Variants in ERBIN observed in about 807,000 individuals in gnomAD.
ERBIN encodes erbb2 interacting protein.
ERBIN carries 60 observed loss-of-function variants against 158.4 expected under a neutral mutation model. That is an observed-to-expected ratio of 0.38 (90% CI 0.31 to 0.47). ERBIN has a LOEUF of 0.47. ERBIN is among the 20% of genes least tolerant of loss of function. The pLI, the probability that ERBIN is intolerant of heterozygous loss-of-function variation, is 0.99. For synonymous variants in ERBIN, 594 were observed against 557.2 expected (o/e 1.07, Z -0.93); for missense variants, 1,610 against 1,648.0 (o/e 0.98, Z 0.40).
chr5:66,053,233 T>G (rs36302), intron 20 of ERBIN, among the ~76,000 whole-genome samples, 173 bp from the exon 21 acceptor site: 1 of 152,068 alleles, frequency 6.6e-6, no homozygotes, highest in Non-Finnish European at 1.5e-5. Flanking sequence ...ATAAAGCTCT[T>G]TTAACTATTA....
At chr5:66,017,778 C>T (rs1754947281) in intron 7 of ERBIN, among the ~76,000 whole-genome samples, 1 of 152,026 alleles carries the variant, frequency 6.6e-6, no homozygotes, top group African/African-American at 2.4e-5. Context: ...TGAGAATTAG[C>T]ATTCTCCAGT....
At chr5:65,930,200 A>G (rs568861590) in intron 1 of ERBIN, among the ~76,000 whole-genome samples, 1 of 152,340 alleles carries the variant, frequency 6.6e-6, no homozygotes, top group Admixed American at 6.5e-5. Context: ...CATGCAGTGG[A>G]AAAAGTTTAT....
chr5:66,004,400 G>C (rs572563945), intron 4 of ERBIN, among the ~76,000 whole-genome samples: 1 of 150,800 alleles, frequency 6.6e-6, no homozygotes, highest in Admixed American at 6.6e-5. Context: ...GCGCGCGCGT[G>C]CGTGTGTGTA....
At chr5:65,999,708 C>G (rs1452686992) in intron 4 of ERBIN, among the ~76,000 whole-genome samples, 2 of 152,114 alleles carry the variant, frequency 1.3e-5, no homozygotes, top group Non-Finnish European at 2.9e-5. Flanking sequence ...GATCAGTTGG[C>G]TTTTGATTTG....
rs1759367683 is a variant in ERBIN, at chr5:66,054,325, G to C, written c.3007G>C (p.Ala1003Pro). 1 of 1,614,044 alleles carries C rather than the reference G, an allele frequency of 6.2e-7. No individual in the cohort carries two copies. Among genetic ancestry groups the C allele is most frequent in the Non-Finnish European group, 8.5e-7 (1 of 1,180,024 alleles). Residue 1003 changes from alanine to proline, a missense_variant, in exon 21 of 26, where the codon GCC becomes CCC. This residue lies in a region of ERBIN where 1,014 missense variants were observed against 936.1 expected (regional missense o/e 1.08). Transcript: ENST00000284037. ...CAAACAAAATCCCCAAATAGACCAT[G>C]CCAGTTTTCCTCCTCAGCTCCTTCC... ...HSKQNPQIDH[A>P]SFPPQLLPRS...
intron 4 of ERBIN, among the ~76,000 whole-genome samples, chr5:66,000,838 A>G (rs557946532): frequency 6.6e-6 from 1 of 152,298 alleles, no homozygotes. Flanking sequence ...AGACTATGAT[A>G]GTGTCAGAAG....
chr5:66,050,321 T>TG (rs1260466786), intron 19 of ERBIN, among the ~76,000 whole-genome samples: 1 of 29,118 alleles, frequency 3.4e-5, no homozygotes, highest in Admixed American at 2.5e-4. Flanking sequence ...CTCGGCTCAC[T>TG]GCAAGCTCCG....
intron 1 of ERBIN, among the ~76,000 whole-genome samples, chr5:65,955,485 C>T (rs960552100): frequency 2.4e-4 from 37 of 152,192 alleles, no homozygotes; most frequent in African/African-American, 8.7e-4. Context: ...GAAAAATTAG[C>T]TGGGCATGGT....
At chr5:66,026,157 TA>T (rs1356778465) in intron 12 of ERBIN, 144 bp from the exon 13 acceptor site, 6 of 682,552 alleles carry the variant, frequency 8.8e-6, no homozygotes, top group East Asian at 3.1e-5. Context: ...CTTATGTACA[TA>T]AAAATTAATT....
intron 4 of ERBIN, among the ~76,000 whole-genome samples, chr5:66,004,739 C>A (rs986935650): frequency 2.0e-5 from 3 of 152,160 alleles, no homozygotes; most frequent in African/African-American, 7.2e-5. Context: ...AATGAGCCAT[C>A]TTTGGAGAGT....
intron 18 of ERBIN, 126 bp downstream of exon 18, chr5:66,046,664 A>G (rs1227473260): frequency 2.8e-6 from 2 of 708,198 alleles, no homozygotes; most frequent in East Asian, 5.5e-5. Flanking sequence ...GAGAAATTTC[A>G]TATCTGCAAA....
intron 15 of ERBIN, among the ~76,000 whole-genome samples, 161 bp downstream of exon 15, chr5:66,038,643 A>T (rs946320212): frequency 3.3e-5 from 5 of 152,106 alleles, no homozygotes; most frequent in Non-Finnish European, 5.9e-5. Context: ...GCACGATTTC[A>T]GGGGTTGAAT....
chr5:66,023,035 TG>T, intron 8 of ERBIN: 1 of 312,536 alleles, frequency 3.2e-6, no homozygotes, highest in Non-Finnish European at 5.7e-6. Flanking sequence ...ATGTGTTTTT[TG>T]TAATCTACTG....
chr5:66,058,747 T>G (rs950450912), intron 21 of ERBIN, among the ~76,000 whole-genome samples: 78 of 149,078 alleles, frequency 5.2e-4, no homozygotes, highest in African/African-American at 1.9e-3. Flanking sequence ...TTCAGCTTTC[T>G]CCATATGGCT....
chr5:66,077,573 C>T (rs980712538), intron 25 of ERBIN, among the ~76,000 whole-genome samples: 1 of 151,990 alleles, frequency 6.6e-6, no homozygotes, highest in Non-Finnish European at 1.5e-5. Flanking sequence ...CTGGTCCCAA[C>T]ACTTTCTAAA....
In ERBIN at chr5:65,926,592, G is replaced by T. The variant is rs1217085344; in HGVS notation, c.-272G>T. The T allele has an allele frequency of 2.0e-5, 3 of 151,584 alleles. No individual in the cohort carries two copies. In the East Asian group the frequency reaches 5.8e-4, roughly 29 times the overall value. The allele number at this position is 151,584 out of a possible 1,614,324, so 9.4% of individuals were successfully genotyped here. On this transcript the variant is annotated 5_prime_UTR_variant, in exon 1 of 26. Transcript: ENST00000284037. The stretch of plus-strand genomic sequence containing the variant: ...TTTTTTTCGGCGGAGATCCTCGTTG[G>T]GGCTGGGAAACTCCTGCAAAACTCG...
At chr5:65,996,244 G>GTTTT (rs34947686) in intron 4 of ERBIN, among the ~76,000 whole-genome samples, 159 of 101,144 alleles carry the variant, frequency 1.6e-3, no homozygotes, top group African/African-American at 5.8e-3. Flanking sequence ...TTTCCTAGTA[G>GTTTT]TTTTTTTTTT....
intron 14 of ERBIN, among the ~76,000 whole-genome samples, chr5:66,034,057 C>T (rs372894480): frequency 2.5e-4 from 38 of 149,638 alleles, no homozygotes; most frequent in African/African-American, 9.1e-4. Flanking sequence ...TGCAGTGAGC[C>T]GAGATCACTC....
At chr5:65,937,171 A>T (rs1744190452) in intron 1 of ERBIN, among the ~76,000 whole-genome samples, 1 of 152,184 alleles carries the variant, frequency 6.6e-6, no homozygotes, top group Non-Finnish European at 1.5e-5. Flanking sequence ...ATCCTTATGC[A>T]TTGGCTCTGG....
Sources: gnomAD v4.1 joint callset for allele counts (sites outside exome capture counted in the v4.1 genomes callset) on GRCh38, gnomAD v4.1.1 for gene constraint, gnomAD v4.1.1 regional missense constraint, MANE v1.5 for transcripts, NCBI Gene and HGNC (gene_info 2026-07-23, HGNC 2026-07-21) for gene names.